The following CNKSR2 variants were observed in gnomAD, a reference collection of about 807,000 sequenced individuals.
CNKSR2 encodes CNK homolog protein 2.
Under a neutral mutation model 84.4 loss-of-function variants are expected in CNKSR2, and 14 were observed. The observed-to-expected ratio is 0.17, with a 90% CI of 0.11 to 0.26. The LOEUF is 0.26. CNKSR2 is among the 10% of genes least tolerant of loss of function. The pLI is 1.00. For missense variants in CNKSR2, 485 were observed against 771.2 expected, an observed-to-expected ratio of 0.63 and a Z score of 4.40; for synonymous variants, 275 against 277.9, an observed-to-expected ratio of 0.99 and a Z score of 0.10.
intron 1 of CNKSR2, among the ~76,000 whole-genome samples, chrX:21,386,018 C>CA (rs1179082753): frequency 0.16 from 2,966 of 18,925 alleles, 246 homozygotes; most frequent in African/African-American, 0.24. Context: ...TGGATGTAGG[C>CA]AAAAAAAAAA....
At position 21,570,482 on chromosome X, in the gene CNKSR2, GT is replaced by G. The variant is rs775629323; in HGVS notation, c.1608+7033del. 2.7e-5 allele frequency among the ~76,000 whole-genome samples: 3 copies of G among 111,383 alleles called. No individual in the cohort carries two copies. In the South Asian group the frequency reaches 1.1e-3, roughly 42 times the overall value. ...TTGGTTTAAGGGAATGTTATGGCTG[GT>G]TTGATCTTCTATCCAGACCACTCAA... On this transcript the variant is annotated intron_variant, in intron 13 of 21. Transcript: ENST00000379510.
chrX:21,438,697 G>GA (rs2090742708), intron 3 of CNKSR2, among the ~76,000 whole-genome samples: 1 of 110,945 alleles, frequency 9.0e-6, no homozygotes, highest in Non-Finnish European at 1.9e-5. Flanking sequence ...ACATAAAAAA[G>GA]AAAAACGTAA....
chrX:21,455,794 A>G (rs1281080618), intron 4 of CNKSR2, among the ~76,000 whole-genome samples: 1 of 112,097 alleles, frequency 8.9e-6, no homozygotes, highest in East Asian at 2.8e-4. Context: ...CTTGCTTTAC[A>G]ATTCATATTC....
intron 4 of CNKSR2, among the ~76,000 whole-genome samples, chrX:21,452,491 G>GAA (rs2090946397): frequency 9.0e-6 from 1 of 111,623 alleles, no homozygotes; most frequent in African/African-American, 3.3e-5. Flanking sequence ...TATGAATGCT[G>GAA]AAAAAACAAT....
At chrX:21,600,245 G>A (rs908498979) in intron 17 of CNKSR2, among the ~76,000 whole-genome samples, 1 of 112,076 alleles carries the variant, frequency 8.9e-6, no homozygotes, top group African/African-American at 3.2e-5. Flanking sequence ...TGAAATATGA[G>A]TCACTTCAAA....
intron 1 of CNKSR2, among the ~76,000 whole-genome samples, chrX:21,383,635 C>A (rs2089929572): frequency 1.8e-5 from 2 of 110,712 alleles, no homozygotes; most frequent in South Asian, 7.4e-4. Context: ...TAAGAAGAAA[C>A]CTCATTAAAT....
intron 4 of CNKSR2, among the ~76,000 whole-genome samples, chrX:21,462,166 C>T (rs1336709348): frequency 2.7e-5 from 3 of 111,707 alleles, no homozygotes; most frequent in Non-Finnish European, 5.7e-5. Flanking sequence ...AATCCAAGAA[C>T]AAGCAATATC....
chrX:21,632,040 C>T (rs1395894059), intron 20 of CNKSR2, among the ~76,000 whole-genome samples: 1 of 111,922 alleles, frequency 8.9e-6, no homozygotes, highest in African/African-American at 3.2e-5. Context: ...TTAAGAAAAC[C>T]AGATTCAGAA....
chrX:21,620,833 GT>G (rs1357245836), intron 20 of CNKSR2, among the ~76,000 whole-genome samples: 1 of 110,942 alleles, frequency 9.0e-6, no homozygotes, highest in East Asian at 2.8e-4. Context: ...AAAAAATCCA[GT>G]TTTTGCAGGT....
intron 1 of CNKSR2, among the ~76,000 whole-genome samples, chrX:21,419,257 A>G (rs965653122): frequency 6.3e-5 from 7 of 110,330 alleles, no homozygotes; most frequent in East Asian, 5.7e-4. Flanking sequence ...GATTATTTCA[A>G]TCTCTTTGTT....
chrX:21,459,498 A>G (rs369295473), intron 4 of CNKSR2, among the ~76,000 whole-genome samples: 9 of 109,108 alleles, frequency 8.2e-5, no homozygotes, highest in Non-Finnish European at 1.3e-4. Context: ...TGTCATGTCA[A>G]CTCCTCCAAT....
intron 18 of CNKSR2, 62 bp from the exon 19 acceptor site, chrX:21,606,717 G>T: frequency 2.8e-6 from 2 of 708,566 alleles, no homozygotes; most frequent in Non-Finnish European, 4.3e-6. Context: ...GTTTATGTTC[G>T]TGAAAATATG....
chrX:21,414,615 A>G (rs769817059), intron 1 of CNKSR2, among the ~76,000 whole-genome samples: 1 of 111,369 alleles, frequency 9.0e-6, no homozygotes, highest in East Asian at 2.8e-4. Context: ...ATTGTGGGGT[A>G]TTACTCAAGA....
intron 20 of CNKSR2, chrX:21,644,416 C>T (rs1258254074): frequency 8.9e-6 from 1 of 112,193 alleles, no homozygotes; most frequent in African/African-American, 3.2e-5. Flanking sequence ...ATTTTTTATG[C>T]TCCTTCAACA....
At chrX:21,404,847 T>G (rs1230582308) in intron 1 of CNKSR2, among the ~76,000 whole-genome samples, 2 of 108,791 alleles carry the variant, frequency 1.8e-5, no homozygotes, top group African/African-American at 3.3e-5. Context: ...ACATTACTTT[T>G]TTCCCAGATG....
chrX:21,435,403 G>T (rs775756641), intron 3 of CNKSR2, among the ~76,000 whole-genome samples: 2 of 111,240 alleles, frequency 1.8e-5, no homozygotes, highest in African/African-American at 6.5e-5. Flanking sequence ...TAATATTTAT[G>T]ACTCACAAAA....
intron 5 of CNKSR2, among the ~76,000 whole-genome samples, chrX:21,489,181 T>C (rs1031381159): frequency 9.0e-6 from 1 of 111,333 alleles, no homozygotes; most frequent in Non-Finnish European, 1.9e-5. Context: ...ATGTCTCATG[T>C]CTCTCTAAAA....
Position 21,531,902 on chromosome X carries a change from G to T in CNKSR2, c.1138G>T (p.Val380Leu). ...LPCEDLRGHM[V>L]GKPVHKGSES... Reference sequence around the variant, plus strand: ...TTGTGAAGACCTCAGAGGACATATGGTGGGCAAGCCAGTGCATAAGGGATC... The same window carrying T: ...TTGTGAAGACCTCAGAGGACATATGTTGGGCAAGCCAGTGCATAAGGGATC... Residue 380 changes from valine (V) to leucine (L), a missense_variant, in exon 11 of 22, where the codon GTG becomes TTG. Val to Leu is a conservative substitution (Grantham distance 32). This residue lies in a region of CNKSR2 where 132 missense variants were observed against 166.7 expected (regional missense o/e 0.79). Coordinates refer to ENST00000379510, the MANE Select transcript of CNKSR2 (RefSeq NM_014927.5). 1 of 1,207,725 alleles carries T rather than the reference G, an allele frequency of 8.3e-7. No individual in the cohort carries two copies. Among genetic ancestry groups the T allele is most frequent in the East Asian group, 3.0e-5 (1 of 33,764 alleles).
intron 13 of CNKSR2, among the ~76,000 whole-genome samples, chrX:21,586,788 G>C (rs909990733): frequency 3.6e-5 from 4 of 111,152 alleles, no homozygotes; most frequent in Non-Finnish European, 7.5e-5. Context: ...ATAAACTTTA[G>C]ATTAGATTAG....
Sources: gnomAD v4.1 joint callset for allele counts (sites outside exome capture counted in the v4.1 genomes callset) on GRCh38, gnomAD v4.1.1 for gene constraint, gnomAD v4.1.1 regional missense constraint, MANE v1.5 for transcripts, NCBI Gene and HGNC (gene_info 2026-07-23, HGNC 2026-07-21) for gene names.